The following ADGRA3 variants were observed in gnomAD, a reference collection of about 807,000 sequenced individuals.
ADGRA3 encodes the protein adhesion G protein-coupled receptor A3.
ADGRA3 carries 56 observed loss-of-function variants against 119.8 expected under a neutral mutation model. The observed-to-expected ratio is 0.47, with a 90% CI of 0.38 to 0.58. The LOEUF (loss-of-function observed/expected upper bound fraction) is 0.58, where lower values mean the gene tolerates loss of function less well. ADGRA3 is among the 20% of genes least tolerant of loss of function. ADGRA3 has a pLI of 0.00. For synonymous variants in ADGRA3, 607 were observed against 623.8 expected (o/e 0.97, Z 0.40); for missense variants, 1,516 against 1,649.0 (o/e 0.92, Z 1.40).
At chr4:22,392,462 T>C (rs891174785) in intron 17 of ADGRA3, 83 bp downstream of exon 17, 2 of 1,528,932 alleles carry the variant, frequency 1.3e-6, no homozygotes, top group African/African-American at 2.8e-5. Context: ...TTCCCAAAAT[T>C]CACTCAGCAA....
intron 4 of ADGRA3, among the ~76,000 whole-genome samples, chr4:22,450,332 A>C (rs932533892): frequency 1.4e-4 from 21 of 151,282 alleles, no homozygotes; most frequent in Admixed American, 4.0e-4. Context: ...GATGGAGTAC[A>C]GTGGCTCACT....
intron 12 of ADGRA3, among the ~76,000 whole-genome samples, chr4:22,417,721 C>T (rs931080339): frequency 6.6e-6 from 1 of 151,984 alleles, no homozygotes; most frequent in Non-Finnish European, 1.5e-5. Flanking sequence ...CAAAGCACAA[C>T]GGGATTAACA....
At chr4:22,459,933 T>C (rs1717381099) in intron 3 of ADGRA3, among the ~76,000 whole-genome samples, 1 of 151,966 alleles carries the variant, frequency 6.6e-6, no homozygotes, top group Non-Finnish European at 1.5e-5. Context: ...ATTTTTAATA[T>C]AGCAGGTCTT....
At chr4:22,443,752 A>G (rs1377134117) in intron 6 of ADGRA3, among the ~76,000 whole-genome samples, 1 of 152,130 alleles carries the variant, frequency 6.6e-6, no homozygotes, top group African/African-American at 2.4e-5. Context: ...AAATAGAAAA[A>G]AGTCGTAGAA....
intron 12 of ADGRA3, 93 bp downstream of exon 12, chr4:22,420,793 A>C: frequency 8.0e-7 from 1 of 1,246,492 alleles, no homozygotes; most frequent in Non-Finnish European, 1.2e-6. Flanking sequence ...GCAAAAAAAA[A>C]ATCTTTTAAT....
At position 22,487,906 on chromosome 4, in the gene ADGRA3, G is replaced by A. The variant is rs187756477; in HGVS notation, c.258-14063C>T. ...GAATGTTGAATTACAGCTGCCAGGCGCCTGGGAAGCAAAAGGCAAAAGTGT... is the reference window on the plus strand; with the variant it reads ...GAATGTTGAATTACAGCTGCCAGGCACCTGGGAAGCAAAAGGCAAAAGTGT... On this transcript the variant is annotated intron_variant, in intron 1 of 18. Transcript: ENST00000334304. Among the ~76,000 whole-genome samples, 176 of 152,262 alleles carry A rather than the reference G, an allele frequency of 1.2e-3. 2 individuals carry two copies. The highest frequency in any genetic ancestry group is 3.8e-3 in the African/African-American group (156 of 41,554).
At chr4:22,438,905 G>A (rs376017985) in intron 7 of ADGRA3, among the ~76,000 whole-genome samples, 2 of 152,104 alleles carry the variant, frequency 1.3e-5, no homozygotes, top group African/African-American at 4.8e-5. Context: ...GCTGAGTGAG[G>A]CTGGAGGATG....
chr4:22,454,760 AC>A, intron 4 of ADGRA3, 105 bp downstream of exon 4: 1 of 803,108 alleles, frequency 1.2e-6, no homozygotes, highest in East Asian at 2.6e-5. Context: ...GGCTTCTATA[AC>A]CCCTACAGTT....
In ADGRA3 at chr4:22,466,913, A is replaced by G. The variant is rs565004480; in HGVS notation, c.330-5105T>C. On this transcript the variant is annotated intron_variant, in intron 2 of 18. Coordinates refer to ENST00000334304, the MANE Select transcript of ADGRA3 (RefSeq NM_145290.4). ...GATGGATATGTTCATGGACGAAAGA[A>G]TACACCAAGGCTAGGAGACAGAATT... Among the ~76,000 whole-genome samples, 4 of 152,304 alleles carry G rather than the reference A, an allele frequency of 2.6e-5. No individual in the cohort carries two copies. The East Asian group carries it at 7.7e-4, about 29-fold the overall frequency.
intron 3 of ADGRA3, among the ~76,000 whole-genome samples, chr4:22,457,439 C>T (rs537206433): frequency 1.4e-4 from 21 of 152,206 alleles, no homozygotes; most frequent in African/African-American, 4.3e-4. Flanking sequence ...CTTTATATCC[C>T]GTTGAGTTTA....
At chr4:22,405,697 C>T (rs924886586) in intron 14 of ADGRA3, among the ~76,000 whole-genome samples, 2 of 152,106 alleles carry the variant, frequency 1.3e-5, no homozygotes, top group Admixed American at 6.6e-5. Context: ...TGTCACTGGT[C>T]GCACAGGGCA....
At chr4:22,499,564 A>C (rs1718978879) in intron 1 of ADGRA3, among the ~76,000 whole-genome samples, 1 of 152,144 alleles carries the variant, frequency 6.6e-6, no homozygotes, top group South Asian at 2.1e-4. Context: ...GAGTGTTATG[A>C]ATTCATGTCA....
chr4:22,400,155 C>T (rs1261274273), intron 16 of ADGRA3, among the ~76,000 whole-genome samples: 1 of 152,154 alleles, frequency 6.6e-6, no homozygotes, highest in East Asian at 1.9e-4. Flanking sequence ...CATCCAACAA[C>T]TCGATTATCA....
chr4:22,454,259 T>C (rs1717165920), intron 4 of ADGRA3, among the ~76,000 whole-genome samples: 1 of 152,122 alleles, frequency 6.6e-6, no homozygotes, highest in Admixed American at 6.5e-5. Flanking sequence ...AATAAACAAA[T>C]ATAGATAACT....
intron 1 of ADGRA3, among the ~76,000 whole-genome samples, chr4:22,496,003 G>A (rs776672691): frequency 1.3e-5 from 2 of 151,832 alleles, no homozygotes; most frequent in Non-Finnish European, 2.9e-5. Flanking sequence ...ATTGATTTAG[G>A]CAATGATACC....
At chr4:22,414,147 C>T (rs1305933489) in intron 12 of ADGRA3, 1 of 216,252 alleles carries the variant, frequency 4.6e-6, no homozygotes, top group Non-Finnish European at 9.1e-6. Context: ...AATGATCAGG[C>T]TGTATCAATT....
At chr4:22,499,756 T>A (rs1021696887) in intron 1 of ADGRA3, among the ~76,000 whole-genome samples, 1 of 152,204 alleles carries the variant, frequency 6.6e-6, no homozygotes, top group Non-Finnish European at 1.5e-5. Flanking sequence ...CAAACCTAAG[T>A]ATAAATGCCA....
In ADGRA3 at chr4:22,466,493, G is replaced by A. The variant is rs542839413; in HGVS notation, c.330-4685C>T. On this transcript the variant is annotated intron_variant, in intron 2 of 18. Transcript: ENST00000334304. ...TATAATCCCAGCACTTTGGGAGGCC[G>A]AGGCAGGTGGATCACCTGAGATCAG... 2.6e-4 allele frequency among the ~76,000 whole-genome samples: 39 copies of A among 152,256 alleles called. No individual in the cohort carries two copies. In the South Asian group the frequency reaches 6.4e-3, roughly 25 times the overall value.
intron 1 of ADGRA3, among the ~76,000 whole-genome samples, chr4:22,507,924 A>C (rs1443121082): frequency 6.6e-6 from 1 of 152,184 alleles, no homozygotes; most frequent in Non-Finnish European, 1.5e-5. Context: ...CTATGAACCT[A>C]ATAAACTAAA....
Sources: gnomAD v4.1 joint callset for allele counts (sites outside exome capture counted in the v4.1 genomes callset) on GRCh38, gnomAD v4.1.1 for gene constraint, MANE v1.5 for transcripts, NCBI Gene and HGNC (gene_info 2026-07-23, HGNC 2026-07-21) for gene names.